MN1: variants seen among roughly 807,000 people sequenced by gnomAD.
The protein encoded by MN1 is MN1 proto-oncogene, transcriptional regulator.
In MN1, 19 loss-of-function variants were observed where a neutral mutation model predicts 86.9. That is an observed-to-expected ratio of 0.22 (90% CI 0.15 to 0.32). The LOEUF (loss-of-function observed/expected upper bound fraction) is 0.32. MN1 is among the 10% of genes least tolerant of loss of function. The pLI is 1.00. For missense variants in MN1, 1,841 were observed against 1,862.0 expected, an observed-to-expected ratio of 0.99 and a Z score of 0.21; for synonymous variants, 928 against 849.6, an observed-to-expected ratio of 1.09 and a Z score of -1.60.
At chr22:27,765,888 G>A (rs1932866028) in intron 1 of MN1, among the ~76,000 whole-genome samples, 1 of 152,132 alleles carries the variant, frequency 6.6e-6, no homozygotes, top group South Asian at 2.1e-4. Context: ...AGAAGGAGCT[G>A]GTTAATTATT....
rs777674437 is a variant in MN1 at position 27,750,924 on chromosome 22, G to A, written c.3954C>T (p.Ala1318=). Residue 1318 remains alanine (A), a synonymous_variant, in exon 2 of 2, where the codon GCC becomes GCT. Transcript: ENST00000302326. ...GGATCTTTCTTGTCATTCAAGTTAG[G>A]GCAGCCACGAATGTCCCAAATCTGT... ...ISNRFGTFVA[A]LT 3.8e-6 allele frequency: 6 copies of A among 1,593,228 alleles called. No individual in the cohort carries two copies. The highest frequency in any genetic ancestry group is 1.1e-5 in the South Asian group (1 of 87,964).
chr22:27,797,075 G>A lies in MN1; in HGVS notation c.3469C>T (p.Gln1157Ter). The stretch of plus-strand genomic sequence containing the variant: ...TGCCTCTGTAGCTGGATCTGCGCCT[G>A]AAGGATCTCCAGGGGGTGGATCTCG... ...PDEIHPLEIL[Q>*]AQIQLQRQQF... The change falls in exon 1 of 2, where the codon CAG (glutamine) becomes TAG (stop). Residue 1157 changes from glutamine (Q) to a stop codon, truncating the protein, a stop_gained. Coordinates refer to ENST00000302326, the MANE Select transcript of MN1 (RefSeq NM_002430.3). LOFTEE classifies it high-confidence loss of function. The A allele has an allele frequency of 6.2e-7, 1 of 1,611,572 alleles. No individual in the cohort carries two copies. The highest frequency in any genetic ancestry group is 8.5e-7 in the Non-Finnish European group (1 of 1,179,366).
chr22:27,800,703 G>C lies in MN1; in HGVS notation c.-160C>G. ...CTCCACCCCGCCTGATGTGAGGGACGGGGGGCGGGGTATTAGCTCCTCTCC... is the reference window on the plus strand; with the variant it reads ...CTCCACCCCGCCTGATGTGAGGGACCGGGGGCGGGGTATTAGCTCCTCTCC... On this transcript the variant is annotated 5_prime_UTR_variant, in exon 1 of 2. Transcript: ENST00000302326. 1.2e-6 allele frequency: 1 copy of C among 812,098 alleles called. No homozygotes were observed. Among genetic ancestry groups the C allele is most frequent in the Non-Finnish European group, 1.9e-6 (1 of 519,170 alleles). The allele number at this position is 812,098 out of a possible 1,614,324, so 50.3% of individuals were successfully genotyped here.
intron 1 of MN1, among the ~76,000 whole-genome samples, chr22:27,787,129 G>A (rs1247059083): frequency 6.6e-6 from 1 of 152,218 alleles, no homozygotes; most frequent in Admixed American, 6.5e-5. Context: ...TCAGGCCTGT[G>A]TGGTATGTGT....
At chr22:27,761,517 C>T (rs1047648433) in intron 1 of MN1, among the ~76,000 whole-genome samples, 6 of 152,130 alleles carry the variant, frequency 3.9e-5, no homozygotes, top group Non-Finnish European at 5.9e-5. Flanking sequence ...GGACAGCCCC[C>T]GCCCCTTAAC....
chr22:27,798,901 T>A lies in MN1; in HGVS notation c.1643A>T (p.Gln548Leu). Residue 548 changes from glutamine to leucine, a missense_variant, in exon 1 of 2, where the codon CAG (glutamine) becomes CTG (leucine). By Grantham distance (113) the Gln-to-Leu change is moderately radical. Coordinates refer to ENST00000302326, the MANE Select transcript of MN1 (RefSeq NM_002430.3). The stretch of plus-strand genomic sequence containing the variant: ...GAGGGCCGCGTTTTGGCGCTGCTGC[T>A]GCTGCTGCTGTTGCTGTTGCTGTTG... The part of the protein sequence containing the change: ...QQQQQQQQQQ[Q>L]QQRQNAALMI... The A allele has an allele frequency of 6.4e-7, 1 of 1,555,786 alleles. No individual in the cohort carries two copies. The highest frequency in any genetic ancestry group is 8.7e-7 in the Non-Finnish European group (1 of 1,151,200).
At position 27,799,939 on chromosome 22, in the gene MN1, G is replaced by T; in HGVS notation, c.605C>A (p.Ser202Tyr). 1.2e-6 allele frequency: 2 copies of T among 1,603,260 alleles called. No homozygotes were observed. The highest frequency in any genetic ancestry group is 8.5e-7 in the Non-Finnish European group (1 of 1,175,560). The change falls in exon 1 of 2, where the codon TCC (serine) becomes TAC (tyrosine). Residue 202 changes from serine to tyrosine, a missense_variant. Physicochemically the swap from Ser to Tyr is moderately radical, Grantham distance 144 (BLOSUM62 -2). Transcript: ENST00000302326. ...GCTGGAGGACGGCAGGCCGTGGAAG[G>T]AGGCGGCTCGGTTAGGGCTCTGGTC... ...PLDQSPNRAASFHGLPSSSGS... is the reference protein window; with the variant it reads ...PLDQSPNRAAYFHGLPSSSGS...
At chr22:27,765,031 A>G (rs1354401619) in intron 1 of MN1, among the ~76,000 whole-genome samples, 1 of 152,226 alleles carries the variant, frequency 6.6e-6, no homozygotes, top group Non-Finnish European at 1.5e-5. Context: ...AGAAATGGTT[A>G]AACAAATATC....
intron 1 of MN1, among the ~76,000 whole-genome samples, chr22:27,780,441 T>C (rs1933037592): frequency 6.6e-6 from 1 of 152,028 alleles, no homozygotes; most frequent in African/African-American, 2.4e-5. Context: ...CCGGAGCCCA[T>C]TGTTAAATAT....
At position 27,761,888 on chromosome 22, in the gene MN1, A is replaced by G. The variant is rs973098123; in HGVS notation, c.3782-10792T>C. ...AGATTGAGAACTGGCCGAGGGCTCCACAGAGGAGAGGCTGCAAGGGCATCA... is the reference window on the plus strand; with the variant it reads ...AGATTGAGAACTGGCCGAGGGCTCCGCAGAGGAGAGGCTGCAAGGGCATCA... On this transcript the variant is annotated intron_variant, in intron 1 of 1. Transcript: ENST00000302326. Among the ~76,000 whole-genome samples, 11 of 152,194 alleles carry G rather than the reference A, an allele frequency of 7.2e-5. 1 individual carries two copies. In the East Asian group the frequency reaches 1.5e-3, roughly 21 times the overall value.
At chr22:27,759,073 C>T (rs1932818334) in intron 1 of MN1, among the ~76,000 whole-genome samples, 2 of 152,310 alleles carry the variant, frequency 1.3e-5, no homozygotes, top group South Asian at 4.1e-4. Context: ...AGCAATCCAC[C>T]TGCCTTGGCC....
intron 1 of MN1, among the ~76,000 whole-genome samples, chr22:27,795,209 C>T (rs370319335): frequency 5.3e-5 from 8 of 152,192 alleles, no homozygotes; most frequent in African/African-American, 7.2e-5. Context: ...GAGTGCGTCC[C>T]GGGCGTCCTG....
rs768605323 is a variant in MN1 at position 27,798,311 on chromosome 22, C to T, written c.2233G>A (p.Gly745Ser). The T allele has an allele frequency of 6.6e-7, 1 of 1,521,798 alleles. No homozygotes were observed. The highest frequency in any genetic ancestry group is 2.5e-5 in the East Asian group (1 of 39,256). 94.3% of individuals were successfully genotyped at this position (1,521,798 alleles called of 1,614,324 possible). The change falls in exon 1 of 2, where the codon GGC (glycine) becomes AGC (serine). Residue 745 changes from glycine to serine, a missense_variant. Coordinates refer to ENST00000302326, the MANE Select transcript of MN1 (RefSeq NM_002430.3). The part of the protein sequence containing the change: ...FATSALGGQP[G>S]FPFGAAGRQS... The stretch of plus-strand genomic sequence containing the variant: ...CGGCCGGCTGCACCAAACGGAAAGC[C>T]CGGCTGGCCCCCGAGCGCAGACGTA...
In MN1 at chr22:27,750,684, G is replaced by A. The variant is rs886077896; in HGVS notation, c.*231C>T. 2.5e-6 allele frequency: 1 copy of A among 398,168 alleles called. No individual in the cohort carries two copies. The highest frequency in any genetic ancestry group is 2.0e-5 in the African/African-American group (1 of 49,324). The allele number at this position is 398,168 out of a possible 1,614,324, so 24.7% of individuals were successfully genotyped here. On this transcript the variant is annotated 3_prime_UTR_variant, in exon 2 of 2. Coordinates refer to ENST00000302326, the MANE Select transcript of MN1 (RefSeq NM_002430.3). ...AGGGTTAACACTGGTAACATACTGT[G>A]GCAGACAAGTTTCTTTTTTAAAAAA...
chr22:27,782,920 C>G (rs1337900900), intron 1 of MN1, among the ~76,000 whole-genome samples: 1 of 152,022 alleles, frequency 6.6e-6, no homozygotes, highest in Non-Finnish European at 1.5e-5. Flanking sequence ...GGAAAGAAAG[C>G]TGGGAGCAGT....
intron 1 of MN1, among the ~76,000 whole-genome samples, chr22:27,765,811 C>T (rs138742540): frequency 3.4e-4 from 52 of 152,326 alleles, no homozygotes; most frequent in South Asian, 1.0e-3. Context: ...TTCTTACCCG[C>T]TCCCTGGTGT....
chr22:27,770,821 C>A (rs1932908049), intron 1 of MN1, among the ~76,000 whole-genome samples: 1 of 151,364 alleles, frequency 6.6e-6, no homozygotes, highest in East Asian at 1.9e-4. Context: ...CCATGCCTGG[C>A]TACTTTTTTT....
At chr22:27,776,206 G>C (rs1254260894) in intron 1 of MN1, among the ~76,000 whole-genome samples, 1 of 152,194 alleles carries the variant, frequency 6.6e-6, no homozygotes, top group Non-Finnish European at 1.5e-5. Context: ...CTCTTCCTGG[G>C]GGAGGCTCTG....
intron 1 of MN1, among the ~76,000 whole-genome samples, chr22:27,776,933 G>A (rs1328972245): frequency 4.6e-5 from 7 of 152,116 alleles, no homozygotes; most frequent in Non-Finnish European, 1.0e-4. Context: ...GGGAGAGGGA[G>A]ACAGAGCAAA....
Sources: allele counts gnomAD v4.1 joint callset (sites outside exome capture counted in the v4.1 genomes callset), GRCh38; gene constraint gnomAD v4.1.1; transcripts MANE v1.5; gene names NCBI Gene and HGNC (gene_info 2026-07-23, HGNC 2026-07-21).